Variants in ERP27 observed in about 807,000 individuals in gnomAD.
The protein encoded by ERP27 is endoplasmic reticulum protein 27, also known as endoplasmic reticulum resident protein 27.
In ERP27, 23 loss-of-function variants were observed where a neutral mutation model predicts 27.7. The ratio of observed to expected loss-of-function variants is 0.83; its 90% CI spans 0.60 to 1.18. The LOEUF (loss-of-function observed/expected upper bound fraction) is 1.18, where lower values mean the gene tolerates loss of function less well. Ranked by LOEUF, ERP27 falls within the 50% of genes most tolerant of loss-of-function variation. The pLI, the probability that ERP27 is intolerant of heterozygous loss-of-function variation, is 0.00. For synonymous variants in ERP27, 159 were observed against 118.3 expected, an observed-to-expected ratio of 1.34 and a Z score of -2.23; for missense variants, 363 against 327.9, an observed-to-expected ratio of 1.11 and a Z score of -0.83.
intron 3 of ERP27, among the ~76,000 whole-genome samples, chr12:14,927,473 T>C (rs1863621443): frequency 7.0e-6 from 1 of 143,316 alleles, no homozygotes; most frequent in African/African-American, 2.6e-5. Flanking sequence ...GGTACAGCTC[T>C]GTAGGATTCA....
At chr12:14,926,978 C>T (rs537400483) in intron 3 of ERP27, among the ~76,000 whole-genome samples, 2 of 152,210 alleles carry the variant, frequency 1.3e-5, no homozygotes, top group East Asian at 1.9e-4. Context: ...AAATTCTCCC[C>T]GTTTGGCTGT....
intron 3 of ERP27, among the ~76,000 whole-genome samples, chr12:14,921,823 G>T (rs571034792): frequency 1.3e-5 from 2 of 151,758 alleles, no homozygotes; most frequent in Non-Finnish European, 2.9e-5. Flanking sequence ...TGACTTTTAT[G>T]TTGACCATTT....
chr12:14,919,798 T>C (rs760350898), intron 4 of ERP27, among the ~76,000 whole-genome samples: 5 of 152,252 alleles, frequency 3.3e-5, no homozygotes, highest in Non-Finnish European at 7.3e-5. Flanking sequence ...AAATGGAAGT[T>C]GGCAAAATGT....
rs1863373613 is a variant in ERP27, at chr12:14,914,509, T to C, written c.*226A>G. ...GGATAGGGAGTGAGGATATGAAATT[T>C]AAAAGAAGGAAGAAGAGAAAACGAG... On this transcript the variant is annotated 3_prime_UTR_variant, in exon 7 of 7. Transcript: ENST00000266397. 1.9e-6 allele frequency: 1 copy of C among 520,212 alleles called. No individual in the cohort carries two copies. The highest frequency in any genetic ancestry group is 3.0e-5 in the South Asian group (1 of 33,240). The allele number at this position is 520,212 out of a possible 1,614,324, so 32.2% of individuals were successfully genotyped here.
intron 2 of ERP27, among the ~76,000 whole-genome samples, chr12:14,936,187 CAAAAAAGAAAA>C (rs1365084008): frequency 6.7e-6 from 1 of 149,626 alleles, no homozygotes. Flanking sequence ...TCAAAAGGGC[CAAAAAAGAAAA>C]AAAGAAGAAA....
rs1202929602 is a variant in ERP27, at chr12:14,937,969, C to T, written c.178G>A (p.Val60Ile). ...MEFIAATEVA[V>I]IGFFQDLEIP... ...GAACTAACCTGGAAGAAGCCTATGA[C>T]AGCCACCTCAGTGGCAGCAATGAAT... The change falls in exon 2 of 7, where the codon GTC becomes ATC. Residue 60 changes from valine (V) to isoleucine (I), a missense_variant. Transcript: ENST00000266397. 1.9e-6 allele frequency: 3 copies of T among 1,613,936 alleles called. No individual in the cohort carries two copies. The highest frequency in any genetic ancestry group is 2.2e-5 in the East Asian group (1 of 44,880).
rs1167407539 is a variant in ERP27 at position 14,925,613 on chromosome 12, C to T, written c.334-4565G>A. Among the ~76,000 whole-genome samples, 4 of 151,866 alleles carry T rather than the reference C, an allele frequency of 2.6e-5. No individual in the cohort carries two copies. In the East Asian group the frequency reaches 7.7e-4, roughly 29 times the overall value. ...TGGTTATATTCTTATTGATTTCTAG[C>T]TTTATTTTTATATTTTATTTGTATT... On this transcript the variant is annotated intron_variant, in intron 3 of 6. Coordinates refer to ENST00000266397, the MANE Select transcript of ERP27 (RefSeq NM_152321.4).
intron 3 of ERP27, 40 bp downstream of exon 3, chr12:14,934,816 G>A (rs551231218): frequency 3.1e-6 from 5 of 1,612,448 alleles, no homozygotes; most frequent in African/African-American, 1.3e-5. Context: ...ACAACCCAGT[G>A]AAAATCTGGG....
intron 3 of ERP27, among the ~76,000 whole-genome samples, chr12:14,923,392 A>G (rs1863539570): frequency 6.6e-6 from 1 of 151,366 alleles, no homozygotes; most frequent in Non-Finnish European, 1.5e-5. Context: ...ATGTATATTC[A>G]TATATATAAT....
intron 4 of ERP27, among the ~76,000 whole-genome samples, chr12:14,920,666 C>G (rs1465822340): frequency 6.6e-6 from 1 of 152,170 alleles, no homozygotes; most frequent in East Asian, 1.9e-4. Flanking sequence ...GCCACTGCAC[C>G]TGGCCTTGAG....
intron 1 of ERP27, 46 bp from the exon 2 acceptor site, chr12:14,938,098 G>T: frequency 6.6e-7 from 1 of 1,508,148 alleles, no homozygotes; most frequent in Non-Finnish European, 9.2e-7. Context: ...GCAAGAAGAA[G>T]CAGCTCTAAA....
chr12:14,933,380 C>T (rs1309566407), intron 3 of ERP27, among the ~76,000 whole-genome samples: 1 of 152,130 alleles, frequency 6.6e-6, no homozygotes, highest in Non-Finnish European at 1.5e-5. Flanking sequence ...TCATCACTAA[C>T]ATCATACATG....
At chr12:14,937,117 T>G (rs1163740483) in intron 2 of ERP27, among the ~76,000 whole-genome samples, 14 of 152,202 alleles carry the variant, frequency 9.2e-5, no homozygotes, top group Non-Finnish European at 1.5e-5. Flanking sequence ...CTGACGGTGT[T>G]TTTGTCTACA....
chr12:14,927,407 C>T (rs1863620434), intron 3 of ERP27, among the ~76,000 whole-genome samples: 1 of 151,636 alleles, frequency 6.6e-6, no homozygotes, highest in Non-Finnish European at 1.5e-5. Context: ...AAATGATTTG[C>T]ATCTGTGCTG....
chr12:14,935,966 C>A (rs1174365117), intron 2 of ERP27, among the ~76,000 whole-genome samples: 1 of 152,072 alleles, frequency 6.6e-6, no homozygotes, highest in Admixed American at 6.6e-5. Flanking sequence ...AGGCAATCCA[C>A]CTCCCTCAGG....
At position 14,936,873 on chromosome 12, in the gene ERP27, A is replaced by G. The variant is rs911608937; in HGVS notation, c.195+1079T>C. 3.9e-5 allele frequency among the ~76,000 whole-genome samples: 6 copies of G among 152,010 alleles called. No individual in the cohort carries two copies. The South Asian group carries it at 8.3e-4, about 21-fold the overall frequency. On this transcript the variant is annotated intron_variant, in intron 2 of 6. Transcript: ENST00000266397. ...CTTTATAAATTATCCAGTTTTGGGTATGTCTTTATTGGCAGCATGAGAAGA... is the reference window on the plus strand; with the variant it reads ...CTTTATAAATTATCCAGTTTTGGGTGTGTCTTTATTGGCAGCATGAGAAGA...
At chr12:14,920,908 C>T in intron 4 of ERP27, 24 bp downstream of exon 4, 1 of 1,590,436 alleles carries the variant, frequency 6.3e-7, no homozygotes, top group Non-Finnish European at 8.6e-7. Flanking sequence ...TCTGAAGGGA[C>T]TAAGAACAGG....
At chr12:14,929,207 C>T (rs2120602100) in intron 3 of ERP27, 2 of 1,223,078 alleles carry the variant, frequency 1.6e-6, no homozygotes, top group East Asian at 5.4e-5. Flanking sequence ...CAAGAAAAGC[C>T]AGTTACTCTG....
intron 3 of ERP27, among the ~76,000 whole-genome samples, chr12:14,922,638 T>C (rs1863523003): frequency 6.6e-6 from 1 of 152,224 alleles, no homozygotes; most frequent in Non-Finnish European, 1.5e-5. Context: ...TTATCGCTAA[T>C]GTGTACTTTT....
Sources: allele counts gnomAD v4.1 joint callset (sites outside exome capture counted in the v4.1 genomes callset), GRCh38; gene constraint gnomAD v4.1.1; transcripts MANE v1.5; gene names NCBI Gene and HGNC (gene_info 2026-07-23, HGNC 2026-07-21).